ANO3: variants seen among roughly 807,000 people sequenced by gnomAD.
ANO3 encodes anoctamin 3, also known as anoctamin-3.
ANO3 carries 99 observed loss-of-function variants against 144.8 expected under a neutral mutation model. The ratio of observed to expected loss-of-function variants is 0.68; its 90% confidence interval spans 0.58 to 0.81. ANO3 has a LOEUF of 0.81. Among genes scored for constraint, ANO3 ranks in the 30% least tolerant of loss-of-function variants. The probability of loss-of-function intolerance (pLI) is 0.00; values close to 1 mark genes in which losing one functional copy is unlikely to be tolerated. For missense variants in ANO3, 905 were observed against 1,202.2 expected (o/e 0.75, Z 3.66); for synonymous variants, 414 against 392.6 (o/e 1.05, Z -0.64).
At chr11:26,405,273 C>T (rs1251327165) in intron 1 of ANO3, among the ~76,000 whole-genome samples, 1 of 151,708 alleles carries the variant, frequency 6.6e-6, no homozygotes, top group African/African-American at 2.4e-5. Flanking sequence ...CTAGAATTCT[C>T]CTCAGTCACC....
At chr11:26,280,536 G>A (rs1853654763) in intron 1 of ANO3, among the ~76,000 whole-genome samples, 1 of 152,146 alleles carries the variant, frequency 6.6e-6, no homozygotes, top group Admixed American at 6.5e-5. Context: ...AACAAGTCTA[G>A]TCTTCTCACG....
chr11:26,189,209 T>C, exon 1 of ANO3: 1 of 985,378 alleles, frequency 1.0e-6, no homozygotes, highest in Non-Finnish European at 1.2e-6. Flanking sequence ...TGGATAATTT[T>C]TCTCCTGAAG....
chr11:26,232,892 G>C (rs1181049274), intron 1 of ANO3, among the ~76,000 whole-genome samples: 2 of 152,106 alleles, frequency 1.3e-5, no homozygotes, highest in Non-Finnish European at 2.9e-5. Flanking sequence ...ATCTGACAAA[G>C]GGCTAATAGC....
intron 17 of ANO3, 102 bp from the exon 18 acceptor site, chr11:26,624,360 C>T: frequency 1.5e-5 from 11 of 740,262 alleles, no homozygotes; most frequent in Admixed American, 2.5e-5. Flanking sequence ...AAAATGTAAC[C>T]ACTGTATAAC....
intron 1 of ANO3, among the ~76,000 whole-genome samples, chr11:26,296,376 C>A (rs59690713): frequency 6.6e-6 from 1 of 151,700 alleles, no homozygotes; most frequent in African/African-American, 2.4e-5. Flanking sequence ...AATTGACCCT[C>A]TCTTCCATGC....
At position 26,348,437 on chromosome 11, in the gene ANO3, G is replaced by A. The variant is rs185865427; in HGVS notation, c.46+16116G>A. Among the ~76,000 whole-genome samples, 17 of 152,064 alleles carry A rather than the reference G, an allele frequency of 1.1e-4. No homozygotes were observed. The East Asian group carries it at 2.9e-3, about 26-fold the overall frequency. On this transcript the variant is annotated intron_variant, in intron 1 of 26. Transcript: ENST00000256737. ...AGTTCTGGCCTGGGTATCGATAATG[G>A]GCTTCTTTTACCAAATATTGATGGA...
intron 24 of ANO3, among the ~76,000 whole-genome samples, chr11:26,653,590 G>A (rs867237721): frequency 6.6e-6 from 1 of 151,878 alleles, no homozygotes; most frequent in African/African-American, 2.4e-5. Context: ...CATACAAAGG[G>A]AGCTTCTTCT....
intron 4 of ANO3, among the ~76,000 whole-genome samples, chr11:26,501,960 T>A (rs1861213206): frequency 6.6e-6 from 1 of 152,172 alleles, no homozygotes; most frequent in Non-Finnish European, 1.5e-5. Context: ...GTTATGTAGG[T>A]GTTTATCTTG....
intron 1 of ANO3, among the ~76,000 whole-genome samples, chr11:26,228,303 A>T (rs184738433): frequency 6.6e-6 from 1 of 152,362 alleles, no homozygotes; most frequent in Admixed American, 6.5e-5. Context: ...CTACCAGTAT[A>T]CATCACAATT....
In ANO3 at chr11:26,194,211, T is replaced by C. The variant is rs1335972075; in HGVS notation, c.154+4881T>C. On this transcript the variant is annotated intron_variant, in intron 1 of 27. Coordinates refer to the ANO3 transcript ENST00000672621. Reference sequence around the variant, plus strand: ...GGGCTCACAATTTATATGAGGCAAATTGCAAAATCCTATGTAGTACAAACT... The same window carrying C: ...GGGCTCACAATTTATATGAGGCAAACTGCAAAATCCTATGTAGTACAAACT... 2.0e-5 allele frequency among the ~76,000 whole-genome samples: 3 copies of C among 152,106 alleles called. No individual in the cohort carries two copies. The East Asian group carries it at 5.8e-4, about 29-fold the overall frequency.
At chr11:26,300,204 G>A (rs764507410) in intron 1 of ANO3, among the ~76,000 whole-genome samples, 8 of 151,162 alleles carry the variant, frequency 5.3e-5, no homozygotes, top group Non-Finnish European at 1.0e-4. Flanking sequence ...AAGCACGCAC[G>A]CACACACACA....
chr11:26,565,982 A>G (rs1310796537), intron 14 of ANO3: 1 of 1,262,402 alleles, frequency 7.9e-7, no homozygotes, highest in Non-Finnish European at 1.1e-6. Flanking sequence ...AGTGATAAAA[A>G]TCTAGACATA....
chr11:26,340,811 G>A (rs1855336696), intron 1 of ANO3, among the ~76,000 whole-genome samples: 1 of 152,100 alleles, frequency 6.6e-6, no homozygotes, highest in Non-Finnish European at 1.5e-5. Flanking sequence ...TCCTTTTTAA[G>A]GTTTTGTTAA....
At chr11:26,567,175 C>T in intron 14 of ANO3, 1 of 1,273,384 alleles carries the variant, frequency 7.9e-7, no homozygotes, top group Non-Finnish European at 1.0e-6. Flanking sequence ...AAAGCCAAGT[C>T]AACTGACTCC....
At chr11:26,605,976 T>C (rs1031574601) in intron 17 of ANO3, among the ~76,000 whole-genome samples, 1 of 152,188 alleles carries the variant, frequency 6.6e-6, no homozygotes, top group African/African-American at 2.4e-5. Context: ...TGCCTTCTGC[T>C]AGCTTTTGAA....
chr11:26,231,285 T>G (rs1852393661), intron 1 of ANO3, among the ~76,000 whole-genome samples: 1 of 152,188 alleles, frequency 6.6e-6, no homozygotes, highest in Non-Finnish European at 1.5e-5. Context: ...GTCAGGACCA[T>G]GCTTCCTTTG....
chr11:26,236,059 C>T (rs527737491), intron 1 of ANO3, among the ~76,000 whole-genome samples: 1 of 152,254 alleles, frequency 6.6e-6, no homozygotes, highest in East Asian at 1.9e-4. Flanking sequence ...TTATTTTCTA[C>T]ATACCAGTAT....
chr11:26,619,754 A>G (rs1852361933), intron 17 of ANO3, among the ~76,000 whole-genome samples: 1 of 152,208 alleles, frequency 6.6e-6, no homozygotes, highest in Non-Finnish European at 1.5e-5. Context: ...GGCGTGAGCC[A>G]CTGCGCCCGG....
At chr11:26,633,623 C>T (rs1852854607) in intron 18 of ANO3, among the ~76,000 whole-genome samples, 1 of 152,140 alleles carries the variant, frequency 6.6e-6, no homozygotes, top group Non-Finnish European at 1.5e-5. Context: ...AGAGAGAATC[C>T]TGAAAATCTT....
Sources: gnomAD v4.1 joint callset for allele counts (sites outside exome capture counted in the v4.1 genomes callset) on GRCh38, gnomAD v4.1.1 for gene constraint, MANE v1.5 for transcripts, NCBI Gene and HGNC (gene_info 2026-07-23, HGNC 2026-07-21) for gene names.